Variants in FBXL18 observed in about 807,000 individuals in gnomAD.
The protein encoded by FBXL18 is F-box and leucine rich repeat protein 18, also known as F-box/LRR-repeat protein 18.
In FBXL18, 36 loss-of-function variants were observed where a neutral mutation model predicts 46.0. That is an observed-to-expected ratio of 0.78 (90% CI 0.60 to 1.03). FBXL18 has a LOEUF of 1.03. Ranked by LOEUF, FBXL18 falls within the 50% of genes least tolerant of loss-of-function variation. The pLI, the probability that FBXL18 is intolerant of heterozygous loss-of-function variation, is 0.00. For synonymous variants in FBXL18, 557 were observed against 465.3 expected (o/e 1.20, Z -2.54); for missense variants, 977 against 1,004.1 (o/e 0.97, Z 0.36).
At chr7:5,464,428 C>T (rs546779651) in intron 4 of FBXL18, among the ~76,000 whole-genome samples, 9 of 151,602 alleles carry the variant, frequency 5.9e-5, no homozygotes, top group Non-Finnish European at 1.0e-4. Context: ...TGCAGTGAGC[C>T]GAGATCACGC....
chr7:5,490,339 A>C, intron 4 of FBXL18: 1 of 1,041,848 alleles, frequency 9.6e-7, no homozygotes, highest in Non-Finnish European at 1.2e-6. Flanking sequence ...GAAATGCGTC[A>C]CTCCCCACAT....
At chr7:5,512,495 A>C (rs571276759) in intron 1 of FBXL18, among the ~76,000 whole-genome samples, 1 of 152,054 alleles carries the variant, frequency 6.6e-6, no homozygotes, top group African/African-American at 2.4e-5. Flanking sequence ...CACACGTGTA[A>C]CCCCAGCTAC....
In FBXL18 at chr7:5,479,382, G is replaced by A. The variant is rs988327759; in HGVS notation, c.*2393C>T. 1 of 152,386 alleles carries A rather than the reference G, an allele frequency of 6.6e-6. No homozygotes were observed. The highest frequency in any genetic ancestry group is 1.5e-5 in the Non-Finnish European group (1 of 68,192). 9.4% of individuals were successfully genotyped at this position (152,386 alleles called of 1,614,324 possible). On this transcript the variant is annotated 3_prime_UTR_variant, in exon 5 of 5. Transcript: ENST00000382368. ...GAGGAAGGAGTGGGGCGGAGCTGCGGTGCCCAGAGACACAGGCCCCCTGAG... is the reference window on the plus strand; with the variant it reads ...GAGGAAGGAGTGGGGCGGAGCTGCGATGCCCAGAGACACAGGCCCCCTGAG...
At chr7:5,507,370 G>C (rs979185127) in intron 1 of FBXL18, among the ~76,000 whole-genome samples, 5 of 152,238 alleles carry the variant, frequency 3.3e-5, no homozygotes, top group Middle Eastern at 3.4e-3. Context: ...CCCTAGACAG[G>C]TGTGCTGGAA....
At chr7:5,495,845 G>A (rs1784064065) in intron 3 of FBXL18, 4 of 481,094 alleles carry the variant, frequency 8.3e-6, no homozygotes, top group Admixed American at 2.3e-5. Context: ...CTGGGAACCG[G>A]CATTTGTTCT....
chr7:5,462,271 G>A (rs1398802791), intron 4 of FBXL18, among the ~76,000 whole-genome samples: 2 of 152,098 alleles, frequency 1.3e-5, no homozygotes, highest in Non-Finnish European at 1.5e-5. Context: ...ACAGAACGCC[G>A]TGAGGTGGGC....
intron 2 of FBXL18, among the ~76,000 whole-genome samples, chr7:5,502,548 A>AT (rs768678841): frequency 1.9e-4 from 28 of 150,122 alleles, no homozygotes; most frequent in Non-Finnish European, 3.1e-4. Context: ...AAGAAAAAAA[A>AT]GGCCGGGCCC....
At chr7:5,497,835 G>C (rs1584229083) in intron 3 of FBXL18, among the ~76,000 whole-genome samples, 1 of 152,164 alleles carries the variant, frequency 6.6e-6, no homozygotes, top group Admixed American at 6.5e-5. Context: ...TCAGTGCATG[G>C]CTCTCAGCAA....
Position 5,481,545 on chromosome 7 carries a change from C to T in FBXL18, c.*230G>A, listed in dbSNP as rs1274029859. The T allele has an allele frequency of 3.7e-5, 18 of 491,752 alleles. No homozygotes were observed. The highest frequency in any genetic ancestry group is 3.7e-6 in the Non-Finnish European group (1 of 273,662). The allele number at this position is 491,752 out of a possible 1,614,324, so 30.5% of individuals were successfully genotyped here. On this transcript the variant is annotated 3_prime_UTR_variant, in exon 5 of 5. Transcript: ENST00000382368. ...TCAGCCAGCCCCCCACATCGACCGTCCCCCGAGCCCCCTCATGTCACCCAG... is the reference window on the plus strand; with the variant it reads ...TCAGCCAGCCCCCCACATCGACCGTTCCCCGAGCCCCCTCATGTCACCCAG...
intron 4 of FBXL18, among the ~76,000 whole-genome samples, chr7:5,465,495 G>A (rs933343421): frequency 2.6e-5 from 4 of 152,050 alleles, no homozygotes; most frequent in Admixed American, 6.6e-5. Context: ...TTGATTGATT[G>A]AGACAGTCTC....
intron 1 of FBXL18, among the ~76,000 whole-genome samples, chr7:5,513,044 C>T (rs1317920652): frequency 6.6e-6 from 1 of 152,180 alleles, no homozygotes. Flanking sequence ...TAGTCAGAGT[C>T]TAGAGTCCCC....
At chr7:5,460,428 C>G (rs905085249) in intron 4 of FBXL18, among the ~76,000 whole-genome samples, 2 of 152,116 alleles carry the variant, frequency 1.3e-5, no homozygotes, top group Non-Finnish European at 2.9e-5. Flanking sequence ...CCTCCCCCTC[C>G]CTCAAATAAT....
intron 1 of FBXL18, among the ~76,000 whole-genome samples, chr7:5,507,631 C>A (rs193188334): frequency 6.6e-6 from 1 of 151,360 alleles, no homozygotes; most frequent in African/African-American, 2.4e-5. Flanking sequence ...GTCAAGAGAT[C>A]GAGACCAGCC....
chr7:5,457,574 C>T (rs190134122), intron 4 of FBXL18, among the ~76,000 whole-genome samples: 164 of 152,296 alleles, frequency 1.1e-3, no homozygotes, highest in African/African-American at 3.7e-3. Context: ...AAGGCCACCT[C>T]GGAAGCCATA....
chr7:5,502,049 G>A lies in FBXL18; in HGVS notation c.238-18C>T, dbSNP rs776709194. ...TCGCTCGCCTGCGGGACAGAGGCAGGGTGGGGAGAGGAAGGAAAGGGCTGA... is the reference window on the plus strand; with the variant it reads ...TCGCTCGCCTGCGGGACAGAGGCAGAGTGGGGAGAGGAAGGAAAGGGCTGA... On this transcript the variant is annotated intron_variant, in intron 2 of 4. Transcript: ENST00000382368. 82 of 1,539,136 alleles carry A rather than the reference G, an allele frequency of 5.3e-5. No homozygotes were observed. Among genetic ancestry groups the A allele is most frequent in the Non-Finnish European group, 6.5e-5 (74 of 1,138,534 alleles).
intron 3 of FBXL18, among the ~76,000 whole-genome samples, chr7:5,499,678 C>A (rs1053517602): frequency 1.3e-5 from 2 of 148,724 alleles, no homozygotes; most frequent in Non-Finnish European, 3.0e-5. Flanking sequence ...TTGCAATGAA[C>A]CAAGATCGCG....
chr7:5,500,771 G>A lies in FBXL18; in HGVS notation c.1498C>T (p.Pro500Ser). Residue 500 changes from proline to serine, a missense_variant, in exon 3 of 5, where the codon CCC becomes TCC. By Grantham distance (74) the Pro-to-Ser change is moderately conservative (BLOSUM62 -1). Transcript: ENST00000382368. ...TTGCGGATGGCGGGCTCGTTGCGGG[G>A]CATGGCGGAGGAGAAGTTGGACCCA... The part of the protein sequence containing the change: ...LIGSNFSSAM[P>S]RNEPAIRNSL... 1 of 1,612,586 alleles carries A rather than the reference G, an allele frequency of 6.2e-7. No individual in the cohort carries two copies. The highest frequency in any genetic ancestry group is 1.1e-5 in the South Asian group (1 of 91,062).
rs113696109 is a variant in FBXL18 at position 5,493,668 on chromosome 7, C to T, written c.1782-2219G>A. Among the ~76,000 whole-genome samples, 15 of 89,468 alleles carry T rather than the reference C, an allele frequency of 1.7e-4. No homozygotes were observed. The South Asian group carries it at 3.4e-3, about 21-fold the overall frequency. 58.7% of individuals were successfully genotyped at this position (89,468 alleles called of 152,430 possible). Reference sequence around the variant, plus strand: ...GGTTATTTACTTTTGTGTGTGTGTGCGTGCGTGCGTGCGTGCGTGTGTGTG... The same window carrying T: ...GGTTATTTACTTTTGTGTGTGTGTGTGTGCGTGCGTGCGTGCGTGTGTGTG... On this transcript the variant is annotated intron_variant, in intron 3 of 4. Coordinates refer to ENST00000382368, the MANE Select transcript of FBXL18 (RefSeq NM_024963.6).
chr7:5,467,194 A>T (rs1454850175), intron 4 of FBXL18, among the ~76,000 whole-genome samples: 1 of 152,148 alleles, frequency 6.6e-6, no homozygotes, highest in African/African-American at 2.4e-5. Flanking sequence ...TACTAAAAAT[A>T]CAAAAAATTA....
Sources: gnomAD v4.1 joint callset for allele counts (sites outside exome capture counted in the v4.1 genomes callset) on GRCh38, gnomAD v4.1.1 for gene constraint, MANE v1.5 for transcripts, NCBI Gene and HGNC (gene_info 2026-07-23, HGNC 2026-07-21) for gene names.